Variants in AIM2 observed in about 807,000 individuals in gnomAD.
The protein encoded by AIM2 is interferon-inducible protein AIM2.
AIM2 carries 30 observed loss-of-function variants against 27.7 expected under a neutral mutation model. The observed-to-expected ratio is 1.08, with a 90% CI of 0.81 to 1.47. AIM2 has a LOEUF of 1.47. AIM2 is among the 40% of genes most tolerant of loss of function. AIM2 has a pLI of 0.00. For synonymous variants in AIM2, 141 were observed against 145.3 expected (o/e 0.97, Z 0.21); for missense variants, 358 against 411.3 (o/e 0.87, Z 1.12).
At chr1:159,056,669 G>A in the AIM2 span, among the ~76,000 whole-genome samples, 1 of 126,744 alleles carries the variant, frequency 7.9e-6, no homozygotes, top group Non-Finnish European at 1.6e-5. Flanking sequence ...AAATCCTGAG[G>A]CCTTTTATCA....
Position 159,094,067 on chromosome 1 carries a change from CTT to C in AIM2, c.-15-27740_-15-27739del, listed in dbSNP as rs141254852. 2.4e-3 allele frequency among the ~76,000 whole-genome samples: 370 copies of C among 152,166 alleles called. 1 individual carries two copies. Among genetic ancestry groups the C allele is most frequent in the African/African-American group, 8.7e-3 (360 of 41,500 alleles). On this transcript the variant is annotated intron_variant, in intron 1 of 2. Coordinates refer to the AIM2 transcript ENST00000368129. ...TTTAAATTATAAAAATTTGTAAAAA[CTT>C]AATATATTGTTCATTGTTATAAAAC...
chr1:159,081,277 C>T (rs980876420), upstream of AIM2: 1 of 208,750 alleles, frequency 4.8e-6, no homozygotes, highest in South Asian at 6.3e-5. Flanking sequence ...ATAGGACTAA[C>T]GTTTTTGTAA....
chr1:159,143,901 T>C (rs1301804130), upstream of AIM2, among the ~76,000 whole-genome samples: 3 of 152,092 alleles, frequency 2.0e-5, no homozygotes, highest in Non-Finnish European at 2.9e-5. Context: ...CCCTGAAACA[T>C]GTATGGGAGA....
upstream of AIM2, among the ~76,000 whole-genome samples, chr1:159,143,746 G>C (rs1210798417): frequency 2.0e-5 from 3 of 152,088 alleles, no homozygotes; most frequent in Non-Finnish European, 4.4e-5. Context: ...TGAATAAAGA[G>C]TCCCAGCTCT....
intron 1 of AIM2, among the ~76,000 whole-genome samples, chr1:159,093,040 A>AAAT (rs1557901918): frequency 4.1e-5 from 6 of 147,200 alleles, no homozygotes; most frequent in African/African-American, 1.5e-4. Context: ...TAAATAAATA[A>AAAT]AAATAAATAA....
intron 1 of AIM2, among the ~76,000 whole-genome samples, chr1:159,104,462 C>G (rs1468792554): frequency 1.3e-5 from 2 of 152,042 alleles, no homozygotes; most frequent in African/African-American, 4.8e-5. Context: ...ATATATAAAC[C>G]TTCATTTTCA....
intron 1 of AIM2, among the ~76,000 whole-genome samples, chr1:159,111,690 T>C (rs184723863): frequency 9.7e-4 from 146 of 150,176 alleles, no homozygotes; most frequent in African/African-American, 3.2e-3. Flanking sequence ...ATAAAATAAA[T>C]AAGATGGGGC....
intron 1 of AIM2, among the ~76,000 whole-genome samples, chr1:159,088,099 G>C (rs577847399): frequency 6.6e-6 from 1 of 152,064 alleles, no homozygotes; most frequent in Non-Finnish European, 1.5e-5. Flanking sequence ...GTGGAACATC[G>C]GGTGGACAGA....
chr1:159,075,534 T>TACACACACACACAC (rs55988373), intron 1 of AIM2, among the ~76,000 whole-genome samples: 1 of 129,538 alleles, frequency 7.7e-6, no homozygotes, highest in Non-Finnish European at 1.6e-5. Context: ...ATACCTGCAA[T>TACACACACACACAC]ACACACACAC....
chr1:159,146,346 A>C (rs1218441298), intron 1 of AIM2, among the ~76,000 whole-genome samples: 1 of 152,082 alleles, frequency 6.6e-6, no homozygotes, highest in Non-Finnish European at 1.5e-5. Flanking sequence ...CCTTAGAATC[A>C]GGACCCTCTA....
chr1:159,100,925 C>T (rs999518551), intron 1 of AIM2, among the ~76,000 whole-genome samples: 2 of 152,218 alleles, frequency 1.3e-5, no homozygotes, highest in African/African-American at 4.8e-5. Flanking sequence ...GGATTTATAG[C>T]TACATGGCTT....
upstream of AIM2, among the ~76,000 whole-genome samples, chr1:159,144,665 A>T (rs924739294): frequency 2.0e-5 from 3 of 152,126 alleles, no homozygotes; most frequent in Admixed American, 1.3e-4. Context: ...TTCTCCAAAG[A>T]TCTGTGACTC....
chr1:159,135,146 A>G (rs1647990105), intron 1 of AIM2, among the ~76,000 whole-genome samples: 1 of 152,176 alleles, frequency 6.6e-6, no homozygotes, highest in African/African-American at 2.4e-5. Context: ...CTCAGTTCTT[A>G]GCACACAGCA....
intron 1 of AIM2, among the ~76,000 whole-genome samples, chr1:159,120,767 A>G (rs12057331): frequency 0.059 from 8,933 of 152,204 alleles, 847 homozygotes; most frequent in African/African-American, 0.2. Flanking sequence ...ATGGACATCC[A>G]GTGTTGTAAA....
upstream of AIM2, among the ~76,000 whole-genome samples, chr1:159,079,394 G>A (rs1656718769): frequency 6.6e-6 from 1 of 151,976 alleles, no homozygotes; most frequent in Non-Finnish European, 1.5e-5. Flanking sequence ...AAATATACAG[G>A]TTTATGCCCC....
At position 159,073,514 on chromosome 1, in the gene AIM2, A is replaced by T. The variant is rs779285331; in HGVS notation, c.-15T>A. The T allele has an allele frequency of 6.2e-7, 1 of 1,612,278 alleles. No individual in the cohort carries two copies. Among genetic ancestry groups the T allele is most frequent in the South Asian group, 1.1e-5 (1 of 91,024 alleles). On this transcript the variant is annotated 5_prime_UTR_variant, in exon 2 of 6. Coordinates refer to ENST00000368130, the MANE Select transcript of AIM2 (RefSeq NM_004833.3). ...TTACTCTCCATCTGACAACTTTGGG[A>T]TCAGCCTATAAGGAATCCAAAACAT... is the stretch of plus-strand genomic sequence containing the variant.
upstream of AIM2, among the ~76,000 whole-genome samples, chr1:159,142,379 A>C (rs1001157633): frequency 6.6e-6 from 1 of 152,158 alleles, no homozygotes; most frequent in Non-Finnish European, 1.5e-5. Flanking sequence ...TTCAGTGTGT[A>C]AGTATGTGTG....
At chr1:159,071,023 G>A (rs1656337292) in intron 2 of AIM2, among the ~76,000 whole-genome samples, 1 of 152,122 alleles carries the variant, frequency 6.6e-6, no homozygotes, top group African/African-American at 2.4e-5. Flanking sequence ...TAATAATCAG[G>A]TGCACATTGT....
intron 1 of AIM2, among the ~76,000 whole-genome samples, chr1:159,132,517 A>T (rs1042070197): frequency 6.6e-6 from 1 of 152,078 alleles, no homozygotes; most frequent in Non-Finnish European, 1.5e-5. Context: ...AAAAGAACGG[A>T]CTCAGACACA....
Sources: allele counts gnomAD v4.1 joint callset (sites outside exome capture counted in the v4.1 genomes callset), GRCh38; gene constraint gnomAD v4.1.1; transcripts MANE v1.5; gene names NCBI Gene and HGNC (gene_info 2026-07-23, HGNC 2026-07-21).